Variants in FRAS1 observed in about 807,000 individuals in gnomAD.
FRAS1 encodes the protein Fraser extracellular matrix complex subunit 1, also known as extracellular matrix organizing protein FRAS1.
In FRAS1, 290 loss-of-function variants were observed where a neutral mutation model predicts 435.2. The ratio of observed to expected loss-of-function variants is 0.67; its 90% confidence interval spans 0.61 to 0.73. FRAS1 has a LOEUF of 0.73. FRAS1 is among the 30% of genes least tolerant of loss of function. The probability of loss-of-function intolerance (pLI) is 0.00; values close to 1 mark genes in which losing one functional copy is unlikely to be tolerated. For missense variants in FRAS1, 4,860 were observed against 5,001.5 expected, an observed-to-expected ratio of 0.97 and a Z score of 0.85; for synonymous variants, 1,800 against 1,851.0, an observed-to-expected ratio of 0.97 and a Z score of 0.71.
In FRAS1 at chr4:78,488,861, G is replaced by A. The variant is rs377106187; in HGVS notation, c.8753-14G>A. ...CCACTAATGGTGCGTCTGTCTTTCTGTCTGCCCACCTAGTGCCCAGCATGC... is the reference window on the plus strand; with the variant it reads ...CCACTAATGGTGCGTCTGTCTTTCTATCTGCCCACCTAGTGCCCAGCATGC... On this transcript the variant is annotated splice_polypyrimidine_tract_variant and intron_variant, in intron 58 of 73. Coordinates refer to ENST00000512123, the MANE Select transcript of FRAS1 (RefSeq NM_025074.7). The A allele has an allele frequency of 8.7e-6, 14 of 1,608,846 alleles. No homozygotes were observed. The African/African-American group carries it at 1.6e-4, about 18-fold the overall frequency.
chr4:78,387,840 A>C, intron 29 of FRAS1, 139 bp downstream of exon 29: 1 of 547,708 alleles, frequency 1.8e-6, no homozygotes, highest in Non-Finnish European at 3.0e-6. Flanking sequence ...TATAGAGGGC[A>C]CTATATATCT....
intron 2 of FRAS1, among the ~76,000 whole-genome samples, chr4:78,076,424 A>T (rs1300749213): frequency 1.3e-5 from 2 of 152,142 alleles, no homozygotes; most frequent in African/African-American, 2.4e-5. Flanking sequence ...ACAATTTGCC[A>T]AGATTAAATT....
intron 7 of FRAS1, among the ~76,000 whole-genome samples, chr4:78,266,192 A>G (rs568824459): frequency 6.6e-6 from 1 of 151,690 alleles, no homozygotes; most frequent in Non-Finnish European, 1.5e-5. Flanking sequence ...GCCTTCAAGG[A>G]TCTAAGCTCT....
At chr4:78,207,931 A>G (rs1045508924) in intron 2 of FRAS1, among the ~76,000 whole-genome samples, 2 of 152,202 alleles carry the variant, frequency 1.3e-5, no homozygotes, top group South Asian at 4.1e-4. Context: ...TTGGACAGAC[A>G]GAGCAGTGTG....
At chr4:78,223,460 AG>A (rs1256136648) in intron 2 of FRAS1, among the ~76,000 whole-genome samples, 1 of 152,228 alleles carries the variant, frequency 6.6e-6, no homozygotes, top group African/African-American at 2.4e-5. Flanking sequence ...GTCAATGATT[AG>A]TTTACCATTT....
chr4:78,361,150 T>C (rs1731058257), intron 20 of FRAS1, among the ~76,000 whole-genome samples: 1 of 152,254 alleles, frequency 6.6e-6, no homozygotes, highest in African/African-American at 2.4e-5. Flanking sequence ...CACTATCACC[T>C]TCATTTGCTC....
At chr4:78,194,873 C>T (rs1722728794) in intron 2 of FRAS1, among the ~76,000 whole-genome samples, 1 of 152,184 alleles carries the variant, frequency 6.6e-6, no homozygotes, top group African/African-American at 2.4e-5. Flanking sequence ...TTCTGTTTTT[C>T]TGCTCTGTTT....
intron 2 of FRAS1, among the ~76,000 whole-genome samples, chr4:78,166,234 G>A (rs1721326175): frequency 6.6e-6 from 1 of 151,970 alleles, no homozygotes; most frequent in Non-Finnish European, 1.5e-5. Flanking sequence ...CACCCTTGAG[G>A]AGCTGGCAAC....
At chr4:78,075,966 G>C (rs1740617969) in intron 2 of FRAS1, among the ~76,000 whole-genome samples, 1 of 152,166 alleles carries the variant, frequency 6.6e-6, no homozygotes, top group Admixed American at 6.5e-5. Flanking sequence ...TAAGGCATTT[G>C]AATTACATTC....
intron 2 of FRAS1, among the ~76,000 whole-genome samples, chr4:78,137,720 G>A (rs1466543200): frequency 1.3e-5 from 2 of 152,210 alleles, no homozygotes; most frequent in Non-Finnish European, 2.9e-5. Flanking sequence ...GGGTGTGTGT[G>A]TGTGGCAATG....
intron 70 of FRAS1, among the ~76,000 whole-genome samples, chr4:78,532,398 A>C (rs904940538): frequency 6.6e-6 from 1 of 151,906 alleles, no homozygotes; most frequent in Non-Finnish European, 1.5e-5. Context: ...CTCTCTCTTT[A>C]TGGTATATAT....
At chr4:78,476,952 C>T (rs1719869345) in intron 54 of FRAS1, among the ~76,000 whole-genome samples, 1 of 149,136 alleles carries the variant, frequency 6.7e-6, no homozygotes, top group South Asian at 2.1e-4. Flanking sequence ...AGTCCATAGT[C>T]GTGGTTTCAC....
chr4:78,058,065 T>C lies in FRAS1; in HGVS notation c.56T>C (p.Val19Ala), dbSNP rs1485297216. ...GLALALAEFA[V>A]LPHHSEGACV... ...GCCCTAGCGTTGGCGGAATTTGCAG[T>C]ATTGCCTCATCATTCCGAAGGTGAG... Residue 19 changes from valine (V) to alanine (A), a missense_variant, in exon 1 of 74, where the codon GTA becomes GCA. Coordinates refer to ENST00000512123, the MANE Select transcript of FRAS1 (RefSeq NM_025074.7). The C allele has an allele frequency of 1.9e-6, 3 of 1,613,738 alleles. No individual in the cohort carries two copies. The highest frequency in any genetic ancestry group is 2.2e-5 in the South Asian group (2 of 91,066).
At chr4:78,269,019 G>A (rs988320268) in intron 9 of FRAS1, among the ~76,000 whole-genome samples, 1 of 152,062 alleles carries the variant, frequency 6.6e-6, no homozygotes, top group South Asian at 2.1e-4. Context: ...CCCAAGTTTT[G>A]TTTAAAGCCC....
intron 59 of FRAS1, among the ~76,000 whole-genome samples, chr4:78,492,957 A>C (rs1720406690): frequency 6.6e-6 from 1 of 152,232 alleles, no homozygotes; most frequent in South Asian, 2.1e-4. Context: ...AAACAAATTT[A>C]CAAGGAAAAA....
chr4:78,357,232 T>C (rs1730890409), intron 20 of FRAS1, among the ~76,000 whole-genome samples: 1 of 152,182 alleles, frequency 6.6e-6, no homozygotes, highest in Non-Finnish European at 1.5e-5. Context: ...CCCTGTTATG[T>C]ACTTTCATGG....
At chr4:78,540,287 T>G (rs1047840886) in intron 73 of FRAS1, among the ~76,000 whole-genome samples, 1 of 152,182 alleles carries the variant, frequency 6.6e-6, no homozygotes, top group Non-Finnish European at 1.5e-5. Flanking sequence ...CTTAGGCTAT[T>G]CCATGTACAC....
intron 2 of FRAS1, among the ~76,000 whole-genome samples, chr4:78,202,979 A>T (rs1175308432): frequency 1.3e-5 from 2 of 152,108 alleles, no homozygotes; most frequent in African/African-American, 2.4e-5. Flanking sequence ...TTATTTGTGG[A>T]TGTGAATGTT....
chr4:78,170,995 G>A (rs1301308252), intron 2 of FRAS1, among the ~76,000 whole-genome samples: 2 of 151,754 alleles, frequency 1.3e-5, no homozygotes, highest in South Asian at 2.1e-4. Context: ...TTTAATGTCT[G>A]TCTTTATTTA....
Sources: gnomAD v4.1 joint callset for allele counts (sites outside exome capture counted in the v4.1 genomes callset) on GRCh38, gnomAD v4.1.1 for gene constraint, MANE v1.5 for transcripts, NCBI Gene and HGNC (gene_info 2026-07-23, HGNC 2026-07-21) for gene names.